UBE3B: variants seen among roughly 807,000 people sequenced by gnomAD.
UBE3B encodes ubiquitin-protein ligase E3B.
Under a neutral mutation model 132.3 loss-of-function variants are expected in UBE3B, and 80 were observed. That is an observed-to-expected ratio of 0.60 (90% CI 0.50 to 0.73). The LOEUF is 0.73. UBE3B is among the 30% of genes least tolerant of loss of function. The pLI is 0.00. For missense variants in UBE3B, 1,196 were observed against 1,362.5 expected (o/e 0.88, Z 1.92); for synonymous variants, 487 against 520.4 (o/e 0.94, Z 0.87).
At chr12:109,487,797 G>A (rs1478198215) in intron 6 of UBE3B, among the ~76,000 whole-genome samples, 2 of 152,214 alleles carry the variant, frequency 1.3e-5, no homozygotes, top group African/African-American at 4.8e-5. Context: ...TGATTCTGCT[G>A]TTCATTTCCC....
intron 13 of UBE3B, 70 bp downstream of exon 13, chr12:109,501,604 A>G (rs1879005736): frequency 6.5e-7 from 1 of 1,531,538 alleles, no homozygotes; most frequent in Non-Finnish European, 8.8e-7. Context: ...TTCTTCCTAT[A>G]TGGATGTTCC....
chr12:109,534,343 A>G lies in UBE3B; in HGVS notation c.3016-248A>G. The G allele has an allele frequency of 5.7e-6, 8 of 1,410,752 alleles. No individual in the cohort carries two copies. The highest frequency in any genetic ancestry group is 7.4e-6 in the Non-Finnish European group (8 of 1,088,212). 87.4% of individuals were successfully genotyped at this position (1,410,752 alleles called of 1,614,324 possible). A position where few individuals can be genotyped will look rare whatever the true frequency, so the allele number is the denominator to read the frequency against. ...AATTCGCTGTGAACCGGAAGGCCCC[A>G]TTTCCAAAAGCTTACTTAGTGCAGG... On this transcript the variant is annotated intron_variant, in intron 27 of 27. Coordinates refer to ENST00000342494, the MANE Select transcript of UBE3B (RefSeq NM_130466.4). The surrounding 1 kb of genome is among the most constrained non-coding windows in gnomAD (Gnocchi z 5.2).
At chr12:109,540,184 G>C (rs1883582371), downstream of UBE3B, among the ~76,000 whole-genome samples, 1 of 152,040 alleles carries the variant, frequency 6.6e-6, no homozygotes, top group South Asian at 2.1e-4. Context: ...GCAGGGTTTG[G>C]GTGGGGGATT....
At chr12:109,479,361 G>A (rs1325578794) in intron 1 of UBE3B, among the ~76,000 whole-genome samples, 1 of 152,164 alleles carries the variant, frequency 6.6e-6, no homozygotes. Flanking sequence ...CTAAATTGAG[G>A]TACAAGAAGG....
At chr12:109,510,558 C>A in intron 17 of UBE3B, 100 bp downstream of exon 17, 1 of 904,640 alleles carries the variant, frequency 1.1e-6, no homozygotes, top group Non-Finnish European at 1.7e-6. Flanking sequence ...AGGACTTTTT[C>A]CCTCTGCTTC....
At chr12:109,507,376 C>T (rs777686271) in intron 14 of UBE3B, among the ~76,000 whole-genome samples, 188 bp from the exon 15 acceptor site, 20 of 152,236 alleles carry the variant, frequency 1.3e-4, no homozygotes, top group Non-Finnish European at 2.5e-4. Context: ...TCAGCACCCA[C>T]TGACTACTGG....
chr12:109,546,838 T>C, the UBE3B span, among the ~76,000 whole-genome samples: 8 of 151,896 alleles, frequency 5.3e-5, no homozygotes, highest in Admixed American at 3.3e-4. Flanking sequence ...GCCTCCCGAG[T>C]GGCTGGAACT....
At chr12:109,490,809 G>A (rs1877345534) in intron 8 of UBE3B, 1 of 1,235,558 alleles carries the variant, frequency 8.1e-7, no homozygotes, top group Admixed American at 3.3e-5. Flanking sequence ...ACGGTTTTTT[G>A]TTTTTTTGTT....
chr12:109,483,081 C>T (rs1021808284), intron 2 of UBE3B, among the ~76,000 whole-genome samples: 2 of 152,186 alleles, frequency 1.3e-5, no homozygotes, highest in African/African-American at 2.4e-5. Flanking sequence ...ATTTTTCTCT[C>T]GAGTCCTTAC....
intron 14 of UBE3B, among the ~76,000 whole-genome samples, chr12:109,506,336 G>GTTTTGT (rs60352001): frequency 0.059 from 8,967 of 152,100 alleles, 328 homozygotes; most frequent in Non-Finnish European, 0.071. Context: ...ACCCAAATCT[G>GTTTTGT]TTTTGTTTTT....
At chr12:109,533,614 G>A in intron 27 of UBE3B, 56 bp downstream of exon 27, 5 of 1,493,776 alleles carry the variant, frequency 3.3e-6, no homozygotes, top group Non-Finnish European at 4.6e-6. Context: ...GTGGTTGTCT[G>A]CTGTGCCCAC....
chr12:109,488,711 C>T, intron 7 of UBE3B, 43 bp downstream of exon 7: 11 of 1,573,412 alleles, frequency 7.0e-6, no homozygotes, highest in Non-Finnish European at 9.6e-6. Context: ...CCAACATTTC[C>T]ATAGAGAGCT....
At chr12:109,528,340 C>T in intron 24 of UBE3B, 2 of 985,314 alleles carry the variant, frequency 2.0e-6, no homozygotes, top group African/African-American at 1.7e-5. Context: ...TGGAGCAGTA[C>T]TCGTCACCTG....
At chr12:109,541,737 A>ACTC in the UBE3B span, among the ~76,000 whole-genome samples, 4 of 152,050 alleles carry the variant, frequency 2.6e-5, no homozygotes, top group Non-Finnish European at 4.4e-5. Flanking sequence ...CACAGGCAGC[A>ACTC]CTCCCTCTGG....
chr12:109,495,339 A>C (rs1566083282), intron 9 of UBE3B, among the ~76,000 whole-genome samples: 1 of 152,258 alleles, frequency 6.6e-6, no homozygotes, highest in African/African-American at 2.4e-5. Context: ...AGTTGTTCTC[A>C]TACCTTTTTT....
intron 27 of UBE3B, chr12:109,533,968 C>G (rs1465089074): frequency 7.7e-7 from 1 of 1,303,526 alleles, no homozygotes; most frequent in Non-Finnish European, 1.0e-6. Flanking sequence ...TCCAGGCTCG[C>G]TGCTTCATTT....
At position 109,510,534 on chromosome 12, in the gene UBE3B, G is replaced by T. The variant is rs772832344; in HGVS notation, c.1856+76G>T. 22 of 1,204,774 alleles carry T rather than the reference G, an allele frequency of 1.8e-5. No individual in the cohort carries two copies. In the Middle Eastern group the frequency reaches 7.3e-4, roughly 40 times the overall value. 74.6% of individuals were successfully genotyped at this position (1,204,774 alleles called of 1,614,324 possible). ...CGCTGCCCGAGCACTCAGCTCTCATGTTCTAGGGCAGAGAGGACTTTTTCC... is the reference window on the plus strand; with the variant it reads ...CGCTGCCCGAGCACTCAGCTCTCATTTTCTAGGGCAGAGAGGACTTTTTCC... On this transcript the variant is annotated intron_variant, in intron 17 of 27. Transcript: ENST00000342494.
At chr12:109,539,765 CT>C (rs1421731890), downstream of UBE3B, among the ~76,000 whole-genome samples, 1 of 152,174 alleles carries the variant, frequency 6.6e-6, no homozygotes, top group Non-Finnish European at 1.5e-5. Flanking sequence ...CCCGGGGATC[CT>C]CTGCTGGGCT....
At chr12:109,486,616 A>G (rs1481038651) in intron 6 of UBE3B, 41 bp downstream of exon 6, 1 of 1,462,000 alleles carries the variant, frequency 6.8e-7, no homozygotes, top group Non-Finnish European at 9.3e-7. Flanking sequence ...AAAACCAGAA[A>G]CAGTACGTAT....
Sources: allele counts gnomAD v4.1 joint callset (sites outside exome capture counted in the v4.1 genomes callset), GRCh38; gene constraint gnomAD v4.1.1; non-coding constraint Gnocchi (gnomAD v3.1); transcripts MANE v1.5; gene names NCBI Gene and HGNC (gene_info 2026-07-23, HGNC 2026-07-21).